Variants in DNM3 observed in about 807,000 individuals in gnomAD.
DNM3 encodes dynamin-3.
Under a neutral mutation model 101.6 loss-of-function variants are expected in DNM3, and 47 were observed. The observed-to-expected ratio is 0.46, with a 90% CI of 0.37 to 0.59. The LOEUF (loss-of-function observed/expected upper bound fraction) is 0.59, where lower values mean the gene tolerates loss of function less well. Ranked by LOEUF, DNM3 falls within the 20% of genes least tolerant of loss-of-function variation. The pLI, the probability that DNM3 is intolerant of heterozygous loss-of-function variation, is 0.00. For synonymous variants in DNM3, 385 were observed against 387.9 expected (o/e 0.99, Z 0.09); for missense variants, 849 against 1,085.7 (o/e 0.78, Z 3.06).
chr1:171,876,141 C>A (rs1307167027), intron 1 of DNM3, among the ~76,000 whole-genome samples: 2 of 152,060 alleles, frequency 1.3e-5, no homozygotes, highest in Non-Finnish European at 1.5e-5. Flanking sequence ...TACGTACTTA[C>A]ATCTTTATTG....
At chr1:172,341,183 GGT>G (rs2066670837) in intron 17 of DNM3, among the ~76,000 whole-genome samples, 1 of 152,064 alleles carries the variant, frequency 6.6e-6, no homozygotes, top group South Asian at 2.1e-4. Context: ...TAACCAGGGA[GGT>G]GAAAGATCTC....
intron 17 of DNM3, among the ~76,000 whole-genome samples, chr1:172,346,845 C>T (rs2066965496): frequency 1.3e-5 from 2 of 152,122 alleles, no homozygotes; most frequent in Non-Finnish European, 1.5e-5. Flanking sequence ...CCAAATAATG[C>T]CTGGCAAACA....
chr1:171,849,976 T>C (rs1160023210), intron 1 of DNM3, among the ~76,000 whole-genome samples: 2 of 152,200 alleles, frequency 1.3e-5, no homozygotes, highest in African/African-American at 4.8e-5. Context: ...AGGAAGATAT[T>C]TGATGCTGTG....
At chr1:172,399,076 T>A (rs1420778737) in intron 20 of DNM3, among the ~76,000 whole-genome samples, 2 of 152,208 alleles carry the variant, frequency 1.3e-5, no homozygotes, top group African/African-American at 2.4e-5. Flanking sequence ...TCCTCACTGT[T>A]CCTGAGTAAA....
chr1:172,318,224 A>G (rs1055059521), intron 16 of DNM3, among the ~76,000 whole-genome samples: 2 of 152,208 alleles, frequency 1.3e-5, no homozygotes, highest in African/African-American at 2.4e-5. Flanking sequence ...TTAGGTATTG[A>G]TGGGACGTAT....
intron 2 of DNM3, chr1:171,970,200 T>TA: frequency 1.6e-6 from 1 of 623,272 alleles, no homozygotes; most frequent in Non-Finnish European, 2.0e-6. Flanking sequence ...AAATAATTTT[T>TA]AAAATAATCC....
intron 10 of DNM3, among the ~76,000 whole-genome samples, chr1:172,063,368 G>C (rs2051397834): frequency 6.9e-6 from 1 of 145,948 alleles, no homozygotes; most frequent in Non-Finnish European, 1.5e-5. Flanking sequence ...TGTCTCCCAA[G>C]TGTTTTTTTT....
At chr1:172,402,485 T>C (rs1204192944) in intron 20 of DNM3, among the ~76,000 whole-genome samples, 1 of 152,190 alleles carries the variant, frequency 6.6e-6, no homozygotes, top group African/African-American at 2.4e-5. Flanking sequence ...TTTATGCAAA[T>C]AACTACCCTT....
chr1:172,175,028 G>T (rs1000713672), intron 14 of DNM3, among the ~76,000 whole-genome samples: 1 of 151,536 alleles, frequency 6.6e-6, no homozygotes, highest in South Asian at 2.1e-4. Flanking sequence ...GTTCATTGAA[G>T]CATACAGCAT....
intron 18 of DNM3, among the ~76,000 whole-genome samples, chr1:172,383,467 A>G (rs894430513): frequency 3.9e-5 from 6 of 152,184 alleles, no homozygotes; most frequent in Non-Finnish European, 7.4e-5. Context: ...CCCCTCCCCA[A>G]AACTAAACAA....
intron 15 of DNM3, among the ~76,000 whole-genome samples, chr1:172,305,617 C>T (rs992465496): frequency 2.0e-4 from 31 of 152,268 alleles, no homozygotes; most frequent in African/African-American, 7.2e-4. Context: ...TGATGAACAT[C>T]GATGCAAAAA....
chr1:171,937,277 TG>T (rs2041498224), intron 2 of DNM3, among the ~76,000 whole-genome samples: 1 of 152,020 alleles, frequency 6.6e-6, no homozygotes, highest in Admixed American at 6.6e-5. Flanking sequence ...AAAGGATTTA[TG>T]TTTTTTTTTT....
At chr1:171,864,359 A>G (rs1162583651) in intron 1 of DNM3, 2 of 152,204 alleles carry the variant, frequency 1.3e-5, no homozygotes, top group African/African-American at 4.8e-5. Flanking sequence ...GAAGGAAAAT[A>G]TGTATATATT....
At chr1:172,296,834 A>G (rs2064184357) in intron 15 of DNM3, among the ~76,000 whole-genome samples, 1 of 152,188 alleles carries the variant, frequency 6.6e-6, no homozygotes, top group African/African-American at 2.4e-5. Flanking sequence ...CTTGCAGTTA[A>G]TGTTAGCCTT....
At chr1:172,192,226 G>C (rs1213344521) in intron 14 of DNM3, among the ~76,000 whole-genome samples, 2 of 152,030 alleles carry the variant, frequency 1.3e-5, no homozygotes, top group East Asian at 1.9e-4. Flanking sequence ...TTTCGTCAAA[G>C]GCCTTTTCTG....
At chr1:172,373,287 G>A (rs1172361066) in intron 17 of DNM3, among the ~76,000 whole-genome samples, 1 of 152,040 alleles carries the variant, frequency 6.6e-6, no homozygotes, top group Non-Finnish European at 1.5e-5. Flanking sequence ...CTTGATCCCA[G>A]TCATAAAAGT....
chr1:172,030,783 C>G (rs2048545190), intron 4 of DNM3, among the ~76,000 whole-genome samples: 2 of 152,060 alleles, frequency 1.3e-5, no homozygotes, highest in Admixed American at 1.3e-4. Context: ...TTTATGTAGC[C>G]AACAAACATA....
At chr1:171,847,896 C>CTCTCTCTGTGTG (rs1200145388) in intron 1 of DNM3, among the ~76,000 whole-genome samples, 1 of 141,156 alleles carries the variant, frequency 7.1e-6, no homozygotes, top group African/African-American at 2.7e-5. Context: ...CTCTCTCTCT[C>CTCTCTCTGTGTG]TGTGTGTGTG....
At chr1:171,952,011 G>A (rs2042559866) in intron 2 of DNM3, among the ~76,000 whole-genome samples, 1 of 152,192 alleles carries the variant, frequency 6.6e-6, no homozygotes. Context: ...TTGGCAATCA[G>A]TTGAAAGAGT....
Sources: allele counts gnomAD v4.1 joint callset (sites outside exome capture counted in the v4.1 genomes callset), GRCh38; gene constraint gnomAD v4.1.1; transcripts MANE v1.5; gene names NCBI Gene and HGNC (gene_info 2026-07-23, HGNC 2026-07-21).